The following SCCPDH variants were observed in gnomAD, a reference collection of about 807,000 sequenced individuals.
SCCPDH encodes the protein saccharopine dehydrogenase-like oxidoreductase.
SCCPDH carries 34 observed loss-of-function variants against 51.5 expected under a neutral mutation model. That is an observed-to-expected ratio of 0.66 (90% CI 0.50 to 0.88). The LOEUF (loss-of-function observed/expected upper bound fraction) is 0.88, where lower values mean the gene tolerates loss of function less well. Ranked by LOEUF, SCCPDH falls within the 40% of genes least tolerant of loss-of-function variation. SCCPDH has a pLI of 0.00. For missense variants in SCCPDH, 464 were observed against 527.1 expected, an observed-to-expected ratio of 0.88 and a Z score of 1.17; for synonymous variants, 187 against 191.3, an observed-to-expected ratio of 0.98 and a Z score of 0.19.
chr1:246,724,703 C>T (rs1668360817), intron 1 of SCCPDH, 91 bp downstream of exon 1: 2 of 1,134,170 alleles, frequency 1.8e-6, no homozygotes, highest in Admixed American at 3.5e-5. Flanking sequence ...CAGGGATGCG[C>T]CCTACGTGTC....
chr1:246,738,489 G>C (rs1212403723), intron 3 of SCCPDH, among the ~76,000 whole-genome samples: 1 of 150,404 alleles, frequency 6.6e-6, no homozygotes, highest in Non-Finnish European at 1.5e-5. Context: ...CCAGCCTGGC[G>C]ACAGAGTGGG....
At position 246,736,570 on chromosome 1, in the gene SCCPDH, G is replaced by A. The variant is rs1347024706; in HGVS notation, c.384+515G>A. Among the ~76,000 whole-genome samples, 5 of 152,038 alleles carry A rather than the reference G, an allele frequency of 3.3e-5. 2 individuals are homozygous for A. Among genetic ancestry groups the A allele is most frequent in the South Asian group, 4.2e-4 (2 of 4,818 alleles). ...CAAAAAGTGAGCCGGGCATGGTGGC[G>A]GGCACCTGTCATCCCAGCTTCTTGG... On this transcript the variant is annotated intron_variant, in intron 3 of 11. Transcript: ENST00000366510.
At chr1:246,745,805 C>T (rs1260571718) in intron 5 of SCCPDH, among the ~76,000 whole-genome samples, 3 of 152,080 alleles carry the variant, frequency 2.0e-5, no homozygotes, top group Non-Finnish European at 4.4e-5. Flanking sequence ...CCCTCAGACA[C>T]CGAGTTAAAG....
chr1:246,758,147 TA>T, intron 5 of SCCPDH, 78 bp from the exon 6 acceptor site: 1 of 1,045,216 alleles, frequency 9.6e-7, no homozygotes, highest in Non-Finnish European at 1.4e-6. Context: ...ATATTGTTTG[TA>T]ACAATGATAA....
At chr1:246,731,600 G>T (rs1459748291) in intron 2 of SCCPDH, among the ~76,000 whole-genome samples, 1 of 152,220 alleles carries the variant, frequency 6.6e-6, no homozygotes, top group Non-Finnish European at 1.5e-5. Flanking sequence ...GAATTACATG[G>T]AATTTAGAAC....
At chr1:246,761,794 C>T (rs974724055) in intron 9 of SCCPDH, among the ~76,000 whole-genome samples, 15 of 152,222 alleles carry the variant, frequency 9.9e-5, no homozygotes, top group African/African-American at 3.1e-4. Flanking sequence ...ATTCATTCAT[C>T]AGTGAACACA....
chr1:246,750,321 G>A (rs559344183), intron 5 of SCCPDH, among the ~76,000 whole-genome samples: 5 of 152,280 alleles, frequency 3.3e-5, no homozygotes, highest in African/African-American at 1.2e-4. Context: ...CAATTTCTGA[G>A]GAACTGATCT....
chr1:246,730,964 G>A (rs1469421420), intron 2 of SCCPDH, among the ~76,000 whole-genome samples: 4 of 152,288 alleles, frequency 2.6e-5, no homozygotes, highest in Middle Eastern at 3.4e-3. Flanking sequence ...GGAGGCTGAC[G>A]CAAGAGAATC....
intron 9 of SCCPDH, among the ~76,000 whole-genome samples, chr1:246,762,454 T>C (rs1669031386): frequency 1.3e-5 from 2 of 152,192 alleles, no homozygotes; most frequent in Admixed American, 1.3e-4. Context: ...CCAAGAGATC[T>C]TTCTAAGACA....
chr1:246,758,323 C>T lies in SCCPDH; in HGVS notation c.662C>T (p.Pro221Leu). 6.2e-7 allele frequency: 1 copy of T among 1,607,944 alleles called. No homozygotes were observed. The highest frequency in any genetic ancestry group is 8.5e-7 in the Non-Finnish European group (1 of 1,177,714). Residue 221 changes from proline (P) to leucine (L), a missense_variant, in exon 6 of 12, where the codon CCT becomes CTT. Transcript: ENST00000366510. ...CTAAGAAATGTATCAAATCTGAAAC[C>T]TGTCCCGCTCATTGGTCCAAAATTG... ...RKLRNVSNLK[P>L]VPLIGPKLKR...
At chr1:246,740,054 G>C (rs1668654842) in intron 3 of SCCPDH, 118 bp from the exon 4 acceptor site, 1 of 713,362 alleles carries the variant, frequency 1.4e-6, no homozygotes, top group Non-Finnish European at 2.2e-6. Flanking sequence ...TTTTGCTGCA[G>C]AGCCACACTG....
chr1:246,735,286 A>AT (rs1469319791), intron 2 of SCCPDH, among the ~76,000 whole-genome samples: 1 of 152,188 alleles, frequency 6.6e-6, no homozygotes, highest in Non-Finnish European at 1.5e-5. Flanking sequence ...AGTGAATTTG[A>AT]TTCCTGCTTC....
chr1:246,752,405 A>C (rs143257022), intron 5 of SCCPDH, among the ~76,000 whole-genome samples: 1 of 152,146 alleles, frequency 6.6e-6, no homozygotes, highest in African/African-American at 2.4e-5. Context: ...CTGTTTGGCT[A>C]TCTGATTAAT....
At chr1:246,726,373 A>G (rs920112666) in intron 1 of SCCPDH, among the ~76,000 whole-genome samples, 2 of 152,014 alleles carry the variant, frequency 1.3e-5, no homozygotes, top group African/African-American at 4.8e-5. Context: ...AGTAGCTGGT[A>G]CTACAGGCTA....
Position 246,744,134 on chromosome 1 carries a change from T to G in SCCPDH, c.564+9T>G, listed in dbSNP as rs1261812593. The G allele has an allele frequency of 1.2e-5, 19 of 1,574,988 alleles. No individual in the cohort carries two copies. Among genetic ancestry groups the G allele is most frequent in the Non-Finnish European group, 1.7e-5 (19 of 1,147,554 alleles). On this transcript the variant is annotated intron_variant, in intron 5 of 11. Transcript: ENST00000366510. ...TACATTCAGGACCTGAGGTTGGTTTTTTGGTTTGTCTTGTGTTGTTTCAAG... is the reference window on the plus strand; with the variant it reads ...TACATTCAGGACCTGAGGTTGGTTTGTTGGTTTGTCTTGTGTTGTTTCAAG...
At chr1:246,766,779 A>T (rs1169010841) in intron 11 of SCCPDH, among the ~76,000 whole-genome samples, 1 of 152,238 alleles carries the variant, frequency 6.6e-6, no homozygotes, top group African/African-American at 2.4e-5. Flanking sequence ...TTATATTTTT[A>T]AAAACTTCTT....
At chr1:246,766,691 A>G (rs975576243) in intron 11 of SCCPDH, among the ~76,000 whole-genome samples, 1 of 152,380 alleles carries the variant, frequency 6.6e-6, no homozygotes, top group Middle Eastern at 3.4e-3. Flanking sequence ...TAAAATTTGT[A>G]TATAGTAAAA....
chr1:246,739,626 G>T (rs1187640861), intron 3 of SCCPDH, among the ~76,000 whole-genome samples: 1 of 152,174 alleles, frequency 6.6e-6, no homozygotes, highest in Non-Finnish European at 1.5e-5. Flanking sequence ...TCATGTAAAA[G>T]ATGTTAAAAA....
At chr1:246,749,733 A>G (rs937218167) in intron 5 of SCCPDH, among the ~76,000 whole-genome samples, 1 of 152,234 alleles carries the variant, frequency 6.6e-6, no homozygotes. Flanking sequence ...TAGGAGGACA[A>G]GATTCCCAGT....
Sources: gnomAD v4.1 joint callset for allele counts (sites outside exome capture counted in the v4.1 genomes callset) on GRCh38, gnomAD v4.1.1 for gene constraint, MANE v1.5 for transcripts, NCBI Gene and HGNC (gene_info 2026-07-23, HGNC 2026-07-21) for gene names.